Variants in PCDHA4 observed in about 807,000 individuals in gnomAD.
PCDHA4 encodes protocadherin alpha 4, also known as protocadherin alpha-4.
PCDHA4 carries 49 observed loss-of-function variants against 61.4 expected under a neutral mutation model. The ratio of observed to expected loss-of-function variants is 0.80; its 90% confidence interval spans 0.63 to 1.01. PCDHA4 has a LOEUF of 1.01. Among genes scored for constraint, PCDHA4 ranks in the 50% least tolerant of loss-of-function variants. PCDHA4 has a pLI of 0.00. For missense variants in PCDHA4, 1,254 were observed against 1,235.8 expected (o/e 1.01, Z -0.22); for synonymous variants, 590 against 550.3 (o/e 1.07, Z -1.01).
chr5:140,889,856 G>GT (rs1471217688), intron 1 of PCDHA4, among the ~76,000 whole-genome samples: 17 of 152,122 alleles, frequency 1.1e-4, no homozygotes, highest in African/African-American at 4.1e-4. Context: ...GAGAATATTT[G>GT]TTTTGGGGGA....
intron 1 of PCDHA4, chr5:140,825,432 TATA>T (rs1768576075): frequency 6.8e-6 from 1 of 147,582 alleles, no homozygotes; most frequent in African/African-American, 2.5e-5. Context: ...ATAATAAATA[TATA>T]ATAATAATAT....
At chr5:140,923,112 T>C (rs1159250649) in intron 1 of PCDHA4, among the ~76,000 whole-genome samples, 2 of 152,144 alleles carry the variant, frequency 1.3e-5, no homozygotes, top group Non-Finnish European at 2.9e-5. Flanking sequence ...TGATTTTAAG[T>C]TTTTAGGGTC....
chr5:140,846,000 G>GA (rs1346490644), intron 1 of PCDHA4, among the ~76,000 whole-genome samples: 2 of 149,558 alleles, frequency 1.3e-5, no homozygotes, highest in Admixed American at 6.7e-5. Context: ...GTGGTGGAAT[G>GA]AAAAAAATCT....
At chr5:140,955,124 CTG>C (rs1404094455) in intron 1 of PCDHA4, among the ~76,000 whole-genome samples, 1 of 152,016 alleles carries the variant, frequency 6.6e-6, no homozygotes. Context: ...TTCTGTTCCA[CTG>C]GTCTACACGT....
intron 1 of PCDHA4, among the ~76,000 whole-genome samples, chr5:140,903,607 A>G (rs938837767): frequency 6.6e-6 from 1 of 152,254 alleles, no homozygotes; most frequent in Non-Finnish European, 1.5e-5. Context: ...TGCTTAATAC[A>G]CATGAATGTG....
Position 140,876,962 on chromosome 5 carries a change from G to T in PCDHA4, c.2385+67390G>T, listed in dbSNP as rs375871457. 15 of 1,612,908 alleles carry T rather than the reference G, an allele frequency of 9.3e-6. No homozygotes were observed. The African/African-American group carries it at 1.6e-4, about 17-fold the overall frequency. ...CTGGTGTCCTACTCGCTGGTGGAGCGGCGGGTGGGCGAGCACGCACTGTCG... is the reference window on the plus strand; with the variant it reads ...CTGGTGTCCTACTCGCTGGTGGAGCTGCGGGTGGGCGAGCACGCACTGTCG... On this transcript the variant is annotated intron_variant, in intron 1 of 3. Coordinates refer to ENST00000530339, the MANE Select transcript of PCDHA4 (RefSeq NM_018907.4).
At chr5:140,841,233 G>A (rs1777106384) in intron 1 of PCDHA4, 2 of 1,469,626 alleles carry the variant, frequency 1.4e-6, no homozygotes, top group Admixed American at 2.3e-5. Flanking sequence ...AACGGGAGAT[G>A]CAGCGGAATT....
chr5:140,903,211 C>T (rs1457584095), intron 1 of PCDHA4, among the ~76,000 whole-genome samples: 1 of 152,174 alleles, frequency 6.6e-6, no homozygotes, highest in African/African-American at 2.4e-5. Context: ...TCACCACATT[C>T]ATGCCAACAT....
At chr5:140,869,760 A>G in intron 1 of PCDHA4, 1 of 1,613,206 alleles carries the variant, frequency 6.2e-7, no homozygotes, top group Non-Finnish European at 8.5e-7. Flanking sequence ...ACGGGGGAAA[A>G]CCAGAGCTTA....
intron 1 of PCDHA4, among the ~76,000 whole-genome samples, chr5:140,839,721 T>C (rs2150300331): frequency 6.6e-6 from 1 of 152,184 alleles, no homozygotes; most frequent in East Asian, 1.9e-4. Flanking sequence ...ATTTAAATCA[T>C]TTCACAGAAA....
chr5:140,928,043 C>T, intron 1 of PCDHA4: 1 of 1,614,192 alleles, frequency 6.2e-7, no homozygotes, highest in Non-Finnish European at 8.5e-7. Context: ...AGTGCAGGCC[C>T]TTTTCAGCTG....
chr5:140,871,358 A>T, intron 1 of PCDHA4: 6 of 1,614,208 alleles, frequency 3.7e-6, no homozygotes, highest in Non-Finnish European at 5.1e-6. Context: ...TACTCGCAGC[A>T]GAGGCGGCAG....
intron 1 of PCDHA4, chr5:140,966,963 G>C: frequency 6.2e-7 from 1 of 1,602,992 alleles, no homozygotes; most frequent in Non-Finnish European, 8.5e-7. Context: ...CGCGCGCTGG[G>C]GCTTGAGCTG....
At chr5:140,870,634 G>T in intron 1 of PCDHA4, 1 of 1,612,862 alleles carries the variant, frequency 6.2e-7, no homozygotes, top group Non-Finnish European at 8.5e-7. Context: ...GTCGGTGCAC[G>T]CGGAGAGCGG....
chr5:140,954,750 T>C (rs1045434392), intron 1 of PCDHA4, among the ~76,000 whole-genome samples: 7 of 152,228 alleles, frequency 4.6e-5, no homozygotes, highest in Non-Finnish European at 2.9e-5. Flanking sequence ...TAGTTTCTTT[T>C]GCTGTGCAGA....
chr5:140,822,949 G>C (rs782104734), intron 1 of PCDHA4: 6 of 1,614,230 alleles, frequency 3.7e-6, no homozygotes, highest in Non-Finnish European at 5.1e-6. Flanking sequence ...AATGCCCCAC[G>C]TTCCCTTCAA....
intron 1 of PCDHA4, chr5:140,851,186 T>C (rs2041985954): frequency 8.1e-7 from 1 of 1,234,476 alleles, no homozygotes; most frequent in Non-Finnish European, 1.0e-6. Context: ...TGAAAACCAA[T>C]TTAGTTGTTA....
At chr5:140,838,077 AGTGTGTGTGTGTGTGTGTGTGTGTGT>A (rs57130401) in intron 1 of PCDHA4, among the ~76,000 whole-genome samples, 3 of 80,664 alleles carry the variant, frequency 3.7e-5, no homozygotes, top group South Asian at 4.3e-4. Context: ...ATATATATAT[AGTGTGTGTGTGTGTGTGTGTGTGTGT>A]GTGTGTGTGT....
chr5:140,816,784 A>T (rs1765989426), intron 1 of PCDHA4: 1 of 150,846 alleles, frequency 6.6e-6, no homozygotes, highest in African/African-American at 2.4e-5. Flanking sequence ...AATTAGAGGG[A>T]TCTGCCAGCT....
Sources: gnomAD v4.1 joint callset for allele counts (sites outside exome capture counted in the v4.1 genomes callset) on GRCh38, gnomAD v4.1.1 for gene constraint, MANE v1.5 for transcripts, NCBI Gene and HGNC (gene_info 2026-07-23, HGNC 2026-07-21) for gene names.